The following DLG2 variants were observed in gnomAD, a reference collection of about 807,000 sequenced individuals.
DLG2 encodes discs large MAGUK scaffold protein 2.
Under a neutral mutation model 132.5 loss-of-function variants are expected in DLG2, and 45 were observed. The observed-to-expected ratio is 0.34, with a 90% CI of 0.27 to 0.44. The LOEUF (loss-of-function observed/expected upper bound fraction) is 0.44, where lower values mean the gene tolerates loss of function less well. Ranked by LOEUF, DLG2 falls within the 20% of genes least tolerant of loss-of-function variation. The probability of loss-of-function intolerance (pLI) is 1.00; values close to 1 mark genes in which losing one functional copy is unlikely to be tolerated. For synonymous variants in DLG2, 424 were observed against 419.6 expected (o/e 1.01, Z -0.13); for missense variants, 1,045 against 1,196.9 (o/e 0.87, Z 1.87).
chr11:84,325,275 A>G (rs1378179031), intron 7 of DLG2, among the ~76,000 whole-genome samples: 1 of 152,062 alleles, frequency 6.6e-6, no homozygotes, highest in South Asian at 2.1e-4. Context: ...GGTTTTTTAC[A>G]TAGGTATACG....
chr11:84,124,038 C>T (rs1002863751), intron 9 of DLG2, among the ~76,000 whole-genome samples: 11 of 152,226 alleles, frequency 7.2e-5, no homozygotes, highest in Admixed American at 3.3e-4. Context: ...AACTGTCATT[C>T]AAAAGAGCTC....
intron 7 of DLG2, among the ~76,000 whole-genome samples, chr11:84,507,741 T>C (rs991772799): frequency 6.6e-6 from 1 of 152,250 alleles, no homozygotes; most frequent in Non-Finnish European, 1.5e-5. Flanking sequence ...ATAAGCTTTT[T>C]GCATTTAATT....
chr11:84,425,147 A>G (rs2098962349), intron 7 of DLG2, among the ~76,000 whole-genome samples: 1 of 152,098 alleles, frequency 6.6e-6, no homozygotes, highest in Admixed American at 6.6e-5. Flanking sequence ...AGTATTTTTT[A>G]ATACCAAGGG....
intron 8 of DLG2, among the ~76,000 whole-genome samples, chr11:84,224,278 T>A (rs931214014): frequency 2.6e-5 from 4 of 152,210 alleles, no homozygotes; most frequent in African/African-American, 9.6e-5. Flanking sequence ...CAGCTAACAG[T>A]CAGATGCCCC....
chr11:84,821,967 T>G (rs1158736430), intron 6 of DLG2, among the ~76,000 whole-genome samples: 2 of 149,784 alleles, frequency 1.3e-5, no homozygotes, highest in African/African-American at 4.9e-5. Context: ...CAAAATATCC[T>G]ATAAAAAATT....
chr11:84,743,126 T>C (rs1366961726), intron 6 of DLG2, among the ~76,000 whole-genome samples: 1 of 152,210 alleles, frequency 6.6e-6, no homozygotes, highest in Non-Finnish European at 1.5e-5. Flanking sequence ...AGAAGTACTA[T>C]GTTTACTGTA....
intron 18 of DLG2, among the ~76,000 whole-genome samples, chr11:83,649,650 C>A (rs1375486874): frequency 2.6e-5 from 4 of 152,080 alleles, no homozygotes; most frequent in Non-Finnish European, 5.9e-5. Context: ...ATCGAAAGTG[C>A]TGACTTCATG....
At chr11:84,323,615 T>C (rs2098416274) in intron 7 of DLG2, among the ~76,000 whole-genome samples, 3 of 152,124 alleles carry the variant, frequency 2.0e-5, no homozygotes. Flanking sequence ...GGAACCTGCA[T>C]ACTGTTTCCC....
intron 21 of DLG2, among the ~76,000 whole-genome samples, chr11:83,504,151 T>C (rs2094581005): frequency 6.6e-6 from 1 of 152,232 alleles, no homozygotes; most frequent in South Asian, 2.1e-4. Flanking sequence ...GAAATCCTTA[T>C]GACAATTACA....
At chr11:83,969,666 C>T (rs1236920088) in intron 12 of DLG2, among the ~76,000 whole-genome samples, 2 of 152,068 alleles carry the variant, frequency 1.3e-5, no homozygotes, top group East Asian at 1.9e-4. Context: ...CTCTGCCTCC[C>T]GGGTTCAAGC....
intron 18 of DLG2, among the ~76,000 whole-genome samples, chr11:83,710,231 C>T (rs578209350): frequency 6.6e-6 from 1 of 151,832 alleles, no homozygotes; most frequent in Admixed American, 6.6e-5. Flanking sequence ...GGCACCATCT[C>T]GGCTCACTGC....
At chr11:85,013,690 G>A (rs1448357966) in intron 6 of DLG2, among the ~76,000 whole-genome samples, 3 of 151,974 alleles carry the variant, frequency 2.0e-5, no homozygotes, top group African/African-American at 7.2e-5. Flanking sequence ...CATAAGAGAA[G>A]ATAAAATTTT....
chr11:83,617,330 G>T (rs1210361556), intron 19 of DLG2, among the ~76,000 whole-genome samples: 1 of 152,080 alleles, frequency 6.6e-6, no homozygotes, highest in African/African-American at 2.4e-5. Flanking sequence ...AATAACATTT[G>T]TGGCTTTTTT....
intron 6 of DLG2, among the ~76,000 whole-genome samples, chr11:84,767,212 T>C (rs1005206151): frequency 3.9e-5 from 6 of 152,186 alleles, no homozygotes; most frequent in African/African-American, 1.2e-4. Flanking sequence ...ATTTTATATA[T>C]GCAAGTTAAC....
Position 83,880,371 on chromosome 11 carries a change from A to T in DLG2, c.1497-5883T>A, listed in dbSNP as rs1453179510. 7.2e-5 allele frequency among the ~76,000 whole-genome samples: 11 copies of T among 152,206 alleles called. No homozygotes were observed. In the South Asian group the frequency reaches 1.0e-3, roughly 14 times the overall value. On this transcript the variant is annotated intron_variant, in intron 15 of 27. Transcript: ENST00000376104. The stretch of plus-strand genomic sequence containing the variant: ...GCCTAAACTTGAATAATGCAGTAAA[A>T]ATTAAGAAAAGAGAATGTATTTAAT...
At chr11:84,110,515 A>T (rs956261380) in intron 9 of DLG2, among the ~76,000 whole-genome samples, 9 of 152,196 alleles carry the variant, frequency 5.9e-5, no homozygotes, top group African/African-American at 1.9e-4. Context: ...TTGTTAGGGG[A>T]AATGCTTGTG....
intron 19 of DLG2, among the ~76,000 whole-genome samples, chr11:83,611,918 G>T (rs2060171096): frequency 1.3e-5 from 2 of 152,148 alleles, no homozygotes; most frequent in African/African-American, 4.8e-5. Context: ...TTTGAAGGGG[G>T]GGCAACTGTT....
At chr11:85,219,481 T>C (rs944877893) in intron 4 of DLG2, among the ~76,000 whole-genome samples, 5 of 151,960 alleles carry the variant, frequency 3.3e-5, no homozygotes, top group South Asian at 2.1e-4. Context: ...ATGGTCAAAA[T>C]AGAATCCCAA....
chr11:85,511,311 A>G (rs1043247349), intron 3 of DLG2, among the ~76,000 whole-genome samples: 2 of 152,064 alleles, frequency 1.3e-5, no homozygotes, highest in African/African-American at 4.8e-5. Context: ...AACATGGCAC[A>G]TGTATACACA....
Sources: gnomAD v4.1 joint callset for allele counts (sites outside exome capture counted in the v4.1 genomes callset) on GRCh38, gnomAD v4.1.1 for gene constraint, MANE v1.5 for transcripts, NCBI Gene and HGNC (gene_info 2026-07-23, HGNC 2026-07-21) for gene names.